NIPAL3: variants seen among roughly 807,000 people sequenced by gnomAD.
NIPAL3 encodes the protein NIPA like domain containing 3, also known as NIPA-like protein 3.
NIPAL3 carries 41 observed loss-of-function variants against 47.2 expected under a neutral mutation model. The observed-to-expected ratio is 0.87, with a 90% CI of 0.68 to 1.13. NIPAL3 has a LOEUF of 1.13. NIPAL3 is among the 50% of genes most tolerant of loss of function. The pLI is 0.00. For missense variants in NIPAL3, 449 were observed against 530.1 expected, an observed-to-expected ratio of 0.85 and a Z score of 1.50; for synonymous variants, 194 against 209.6, an observed-to-expected ratio of 0.93 and a Z score of 0.64.
Position 24,469,322 on chromosome 1 carries a change from C to T in NIPAL3, c.*137C>T, listed in dbSNP as rs1646829909. ...GATGATGATCTCAAAAAGCCTTTGT[C>T]TCTGGGAAAGGATGCGTTATCTTGG... is the stretch of plus-strand genomic sequence containing the variant. On this transcript the variant is annotated 3_prime_UTR_variant, in exon 12 of 12. Coordinates refer to ENST00000374399, the MANE Select transcript of NIPAL3 (RefSeq NM_020448.5). The T allele has an allele frequency of 4.2e-6, 3 of 711,864 alleles. No individual in the cohort carries two copies. The highest frequency in any genetic ancestry group is 5.9e-5 in the Admixed American group (2 of 34,090). 44.1% of individuals were successfully genotyped at this position (711,864 alleles called of 1,614,324 possible). A position where few individuals can be genotyped will look rare whatever the true frequency, so the allele number is the denominator to read the frequency against.
chr1:24,417,330 A>G (rs1335389435), intron 1 of NIPAL3, among the ~76,000 whole-genome samples: 1 of 152,208 alleles, frequency 6.6e-6, no homozygotes, highest in African/African-American at 2.4e-5. Flanking sequence ...CCTCAACTCC[A>G]TGACTGCTTC....
chr1:24,419,542 AC>A lies in NIPAL3; in HGVS notation c.-4del. The A allele has an allele frequency of 6.2e-7, 1 of 1,610,324 alleles. No homozygotes were observed. The highest frequency in any genetic ancestry group is 8.5e-7 in the Non-Finnish European group (1 of 1,178,368). ...CAGGCCCTGTGGGATGCGCCACTAG[AC>A]CACCATGGACGGATCCCACAGCGCA... On this transcript the variant is annotated 5_prime_UTR_variant, in exon 2 of 12. Coordinates refer to ENST00000374399, the MANE Select transcript of NIPAL3 (RefSeq NM_020448.5).
At chr1:24,468,318 A>AT (rs777778788) in intron 11 of NIPAL3, among the ~76,000 whole-genome samples, 1 of 151,888 alleles carries the variant, frequency 6.6e-6, no homozygotes, top group Non-Finnish European at 1.5e-5. Flanking sequence ...CTGTCTCAAT[A>AT]AATAAATAAA....
At chr1:24,466,272 G>T (rs1646694933) in intron 11 of NIPAL3, 5 of 468,360 alleles carry the variant, frequency 1.1e-5, no homozygotes, top group Non-Finnish European at 1.9e-5. Context: ...ACACAAGCAG[G>T]TGGAATGGGA....
In NIPAL3 at chr1:24,422,651, A is replaced by T. The variant is rs543666599; in HGVS notation, c.93+3011A>T. ...ATCAGCCAGGTGTGGGAATTTCTGG[A>T]CCACATGATCTGCTAAGCTCCTTCC... On this transcript the variant is annotated intron_variant, in intron 2 of 11. Coordinates refer to ENST00000374399, the MANE Select transcript of NIPAL3 (RefSeq NM_020448.5). Among the ~76,000 whole-genome samples the T allele has an allele frequency of 7.9e-5, 12 of 152,266 alleles. No homozygotes were observed. The South Asian group carries it at 2.3e-3, about 29-fold the overall frequency.
chr1:24,441,153 A>G (rs551237262), intron 3 of NIPAL3, among the ~76,000 whole-genome samples: 2 of 152,328 alleles, frequency 1.3e-5, no homozygotes, highest in East Asian at 3.9e-4. Flanking sequence ...AGCACTGCCC[A>G]GCTTCTGCCT....
chr1:24,443,545 A>T (rs2148813226), intron 4 of NIPAL3, among the ~76,000 whole-genome samples: 1 of 152,316 alleles, frequency 6.6e-6, no homozygotes, highest in African/African-American at 2.4e-5. Flanking sequence ...GAGAGCATAG[A>T]TGGGGCCTCA....
chr1:24,436,081 C>T (rs904697432), intron 2 of NIPAL3, among the ~76,000 whole-genome samples: 1 of 152,110 alleles, frequency 6.6e-6, no homozygotes, highest in Non-Finnish European at 1.5e-5. Context: ...ATGACCTAGT[C>T]ACTTCCCAAA....
At chr1:24,426,863 C>G (rs1023293850) in intron 2 of NIPAL3, among the ~76,000 whole-genome samples, 1 of 152,166 alleles carries the variant, frequency 6.6e-6, no homozygotes, top group South Asian at 2.1e-4. Context: ...CCTGATCTGG[C>G]AGTGCCCAAG....
At chr1:24,465,888 T>A in intron 11 of NIPAL3, 2 of 1,375,970 alleles carry the variant, frequency 1.5e-6, no homozygotes, top group Non-Finnish European at 1.9e-6. Flanking sequence ...TTTGACCTGG[T>A]GGCAGGTAGA....
chr1:24,463,908 G>A, intron 10 of NIPAL3, 118 bp from the exon 11 acceptor site: 1 of 748,908 alleles, frequency 1.3e-6, no homozygotes, highest in East Asian at 2.8e-5. Context: ...TGGGCGGTGA[G>A]CCCTCCTCCG....
chr1:24,453,956 C>T, intron 7 of NIPAL3: 1 of 435,160 alleles, frequency 2.3e-6, no homozygotes, highest in Non-Finnish European at 4.5e-6. Context: ...TTTTCTTTTC[C>T]TTTTAGAGGG....
intron 9 of NIPAL3, among the ~76,000 whole-genome samples, chr1:24,459,573 A>G (rs1646375709): frequency 1.3e-5 from 2 of 152,376 alleles, no homozygotes; most frequent in South Asian, 4.1e-4. Flanking sequence ...AAAAAATCCA[A>G]TAAGAACTAA....
intron 2 of NIPAL3, among the ~76,000 whole-genome samples, chr1:24,424,669 A>G (rs996492949): frequency 1.3e-5 from 2 of 152,192 alleles, no homozygotes; most frequent in African/African-American, 2.4e-5. Context: ...AGGAAAGGCA[A>G]TGGGGCTTGG....
At chr1:24,462,096 T>C (rs1216130588) in intron 10 of NIPAL3, among the ~76,000 whole-genome samples, 1 of 152,140 alleles carries the variant, frequency 6.6e-6, no homozygotes, top group Non-Finnish European at 1.5e-5. Flanking sequence ...AACACGTCCT[T>C]CTTCACATGG....
intron 2 of NIPAL3, among the ~76,000 whole-genome samples, chr1:24,420,615 A>G (rs1169894206): frequency 6.6e-6 from 1 of 152,138 alleles, no homozygotes; most frequent in East Asian, 1.9e-4. Flanking sequence ...TTCTAGTATT[A>G]TAAATTTGGG....
chr1:24,436,979 T>A (rs1645144354), intron 2 of NIPAL3, among the ~76,000 whole-genome samples: 1 of 150,218 alleles, frequency 6.7e-6, no homozygotes. Flanking sequence ...TGGCTGGGCG[T>A]GGTGGCTCAC....
intron 10 of NIPAL3, 48 bp from the exon 11 acceptor site, chr1:24,463,978 C>A (rs1646588955): frequency 3.3e-6 from 5 of 1,516,970 alleles, no homozygotes; most frequent in Non-Finnish European, 4.5e-6. Flanking sequence ...GCCTGCCCGA[C>A]CTTGCTCCTG....
At chr1:24,459,722 CA>C (rs1437959746) in intron 9 of NIPAL3, among the ~76,000 whole-genome samples, 3 of 152,198 alleles carry the variant, frequency 2.0e-5, no homozygotes, top group Non-Finnish European at 4.4e-5. Flanking sequence ...TGAGCAGCAC[CA>C]GGGGCCATGA....
Sources: gnomAD v4.1 joint callset for allele counts (sites outside exome capture counted in the v4.1 genomes callset) on GRCh38, gnomAD v4.1.1 for gene constraint, MANE v1.5 for transcripts, NCBI Gene and HGNC (gene_info 2026-07-23, HGNC 2026-07-21) for gene names.